NAA25: variants seen among roughly 807,000 people sequenced by gnomAD.
NAA25 encodes the protein N-terminal acetyltransferase B complex subunit NAA25.
In NAA25, 30 loss-of-function variants were observed where a neutral mutation model predicts 132.5. The observed-to-expected ratio is 0.23, with a 90% confidence interval of 0.17 to 0.31. The LOEUF is 0.31. Among genes scored for constraint, NAA25 ranks in the 10% least tolerant of loss-of-function variants. The pLI, the probability that NAA25 is intolerant of heterozygous loss-of-function variation, is 1.00. For missense variants in NAA25, 771 were observed against 1,150.4 expected (o/e 0.67, Z 4.77); for synonymous variants, 359 against 401.9 (o/e 0.89, Z 1.28).
chr12:112,071,395 G>A (rs1030387820), intron 10 of NAA25, among the ~76,000 whole-genome samples: 4 of 152,242 alleles, frequency 2.6e-5, no homozygotes, highest in African/African-American at 2.4e-5. Flanking sequence ...GTGAAGGCAC[G>A]ATCTCAGATC....
At chr12:112,096,061 G>A (rs945021916) in intron 1 of NAA25, among the ~76,000 whole-genome samples, 20 of 152,136 alleles carry the variant, frequency 1.3e-4, no homozygotes, top group African/African-American at 4.8e-4. Flanking sequence ...GGAAACCATG[G>A]GGATGGGGAG....
chr12:112,084,937 A>G (rs924360292), intron 4 of NAA25, among the ~76,000 whole-genome samples: 4 of 151,246 alleles, frequency 2.6e-5, no homozygotes, highest in Non-Finnish European at 5.9e-5. Flanking sequence ...TCTCTATTAA[A>G]AATACAAAAA....
chr12:112,029,474 G>T lies in NAA25; in HGVS notation c.*57C>A. 2 of 1,607,742 alleles carry T rather than the reference G, an allele frequency of 1.2e-6. No homozygotes were observed. The highest frequency in any genetic ancestry group is 8.5e-7 in the Non-Finnish European group (1 of 1,176,702). ...GGTCAACCAGATGTTGCTTTTGCCT[G>T]GGAAGATGGTGTCATATTCTGTTGC... On this transcript the variant is annotated 3_prime_UTR_variant, in exon 24 of 24. Transcript: ENST00000261745.
intron 2 of NAA25, 74 bp downstream of exon 2, chr12:112,092,977 T>C: frequency 9.2e-7 from 1 of 1,083,352 alleles, no homozygotes; most frequent in Non-Finnish European, 1.4e-6. Flanking sequence ...TGCCCGGCCC[T>C]CCTTTCTCTT....
At chr12:112,044,021 A>G (rs4766761) in intron 17 of NAA25, among the ~76,000 whole-genome samples, 153 bp from the exon 18 acceptor site, 10,665 of 149,916 alleles carry the variant, frequency 0.071, 1,466 homozygotes, top group East Asian at 0.61. Context: ...TCTGCCTCCC[A>G]GGTTCATGCC....
chr12:112,050,873 C>G (rs2078455606), intron 15 of NAA25, among the ~76,000 whole-genome samples: 1 of 152,180 alleles, frequency 6.6e-6, no homozygotes, highest in African/African-American at 2.4e-5. Context: ...ATACAACTTT[C>G]AATCCCATAG....
At chr12:112,053,221 C>A (rs1828292549) in intron 15 of NAA25, among the ~76,000 whole-genome samples, 1 of 152,202 alleles carries the variant, frequency 6.6e-6, no homozygotes, top group African/African-American at 2.4e-5. Flanking sequence ...TACACGGCAT[C>A]CCAGGCTATG....
At chr12:112,083,532 A>T (rs149579465) in intron 4 of NAA25, among the ~76,000 whole-genome samples, 315 of 149,612 alleles carry the variant, frequency 2.1e-3, no homozygotes, top group African/African-American at 6.5e-3. Flanking sequence ...CATCTCAAAG[A>T]AAAAAAAAAG....
chr12:112,040,720 T>G, intron 20 of NAA25, 142 bp from the exon 21 acceptor site: 1 of 581,328 alleles, frequency 1.7e-6, no homozygotes, highest in Admixed American at 3.3e-5. Flanking sequence ...TGAACCAAAC[T>G]CCAAAGGATA....
intron 15 of NAA25, among the ~76,000 whole-genome samples, chr12:112,048,838 C>T (rs1208538214): frequency 1.3e-5 from 2 of 152,072 alleles, no homozygotes; most frequent in African/African-American, 4.8e-5. Context: ...TACAAAGGTT[C>T]CAAAAGCACC....
At chr12:112,084,608 G>A in intron 4 of NAA25, among the ~76,000 whole-genome samples, 1 of 151,810 alleles carries the variant, frequency 6.6e-6, no homozygotes, top group Non-Finnish European at 1.5e-5. Context: ...GGCCAGCATG[G>A]TGAAACCCCA....
intron 14 of NAA25, among the ~76,000 whole-genome samples, chr12:112,053,923 A>G (rs547839144): frequency 1.6e-4 from 25 of 152,164 alleles, no homozygotes; most frequent in Admixed American, 3.9e-4. Context: ...ATGACACATA[A>G]AAGTTCTAAC....
chr12:112,087,423 G>A (rs1187396125), intron 4 of NAA25, among the ~76,000 whole-genome samples: 2 of 152,178 alleles, frequency 1.3e-5, no homozygotes, highest in African/African-American at 4.8e-5. Flanking sequence ...ACAATCTGAA[G>A]CTGAATTACC....
chr12:112,077,329 T>G (rs2078907808), intron 7 of NAA25, among the ~76,000 whole-genome samples: 1 of 151,622 alleles, frequency 6.6e-6, no homozygotes, highest in South Asian at 2.1e-4. Context: ...AAAAATTAGC[T>G]GGGCGTGGTG....
chr12:112,048,270 AT>A (rs2078416734), intron 16 of NAA25, 21 bp downstream of exon 16: 2 of 1,604,850 alleles, frequency 1.2e-6, no homozygotes. Context: ...TAGTTCCTTT[AT>A]AGCTCTCATG....
chr12:112,063,406 T>C (rs1202882601), intron 11 of NAA25, among the ~76,000 whole-genome samples: 1 of 152,136 alleles, frequency 6.6e-6, no homozygotes, highest in Non-Finnish European at 1.5e-5. Context: ...TTTACAGCCA[T>C]AAGGCACTGA....
At chr12:112,086,663 CA>C (rs1317429610) in intron 4 of NAA25, among the ~76,000 whole-genome samples, 1 of 151,702 alleles carries the variant, frequency 6.6e-6, no homozygotes, top group Non-Finnish European at 1.5e-5. Flanking sequence ...GATAAAAATC[CA>C]AAAAATTTTG....
chr12:112,033,108 C>T lies in NAA25; in HGVS notation c.2796+125G>A, dbSNP rs530819063. On this transcript the variant is annotated intron_variant, in intron 23 of 23. Coordinates refer to ENST00000261745, the MANE Select transcript of NAA25 (RefSeq NM_024953.4). ...AAACTACTGCCAAGCACCTTCTAGT[C>T]ACAAGTCTTATAAAGAGGAAATGAT... 7 of 1,185,806 alleles carry T rather than the reference C, an allele frequency of 5.9e-6. No homozygotes were observed. In the African/African-American group the frequency reaches 9.3e-5, roughly 16 times the overall value. The allele number at this position is 1,185,806 out of a possible 1,614,324, so 73.5% of individuals were successfully genotyped here. A position where few individuals can be genotyped will look rare whatever the true frequency, so the allele number is the denominator to read the frequency against.
chr12:112,086,115 T>C (rs953762630), intron 4 of NAA25, among the ~76,000 whole-genome samples: 1 of 130,610 alleles, frequency 7.7e-6, no homozygotes, highest in South Asian at 2.7e-4. Context: ...CATAACCATT[T>C]TACATTTTTA....
Sources: gnomAD v4.1 joint callset for allele counts (sites outside exome capture counted in the v4.1 genomes callset) on GRCh38, gnomAD v4.1.1 for gene constraint, MANE v1.5 for transcripts, NCBI Gene and HGNC (gene_info 2026-07-23, HGNC 2026-07-21) for gene names.